The following CPA6 variants were observed in gnomAD, a reference collection of about 807,000 sequenced individuals.
CPA6 encodes the protein carboxypeptidase A6.
A neutral mutation model predicts 63.3 loss-of-function variants in CPA6; 58 were observed. The observed-to-expected ratio is 0.92, with a 90% CI of 0.74 to 1.14. The LOEUF (loss-of-function observed/expected upper bound fraction) is 1.14, where lower values mean the gene tolerates loss of function less well. CPA6 is among the 50% of genes most tolerant of loss of function. CPA6 has a pLI of 0.00. For missense variants in CPA6, 565 were observed against 526.6 expected (o/e 1.07, Z -0.71); for synonymous variants, 185 against 179.0 (o/e 1.03, Z -0.27).
At chr8:67,446,475 TA>T (rs527419602) in intron 8 of CPA6, among the ~76,000 whole-genome samples, 60 of 151,960 alleles carry the variant, frequency 3.9e-4, no homozygotes, top group Middle Eastern at 6.8e-3. Flanking sequence ...CAATTTTAAG[TA>T]AAAAAAATTA....
rs369528450 is a variant in CPA6, at chr8:67,703,925, C to CT, written c.116+42088dup. 1.9e-3 allele frequency among the ~76,000 whole-genome samples: 285 copies of CT among 148,660 alleles called. 2 individuals are homozygous for CT. Among genetic ancestry groups the CT allele is most frequent in the African/African-American group, 5.1e-3 (198 of 39,004 alleles). The stretch of plus-strand genomic sequence containing the variant: ...CTTTAAGGACCCCACTTACATGCTG[C>CT]TTTTTTTTTGTTGTTGTTGTTGTTT... On this transcript the variant is annotated intron_variant, in intron 1 of 10. Coordinates refer to ENST00000297770, the MANE Select transcript of CPA6 (RefSeq NM_020361.5).
In CPA6 at chr8:67,566,783, G is replaced by A. The variant is rs553742039; in HGVS notation, c.193-48736C>T. On this transcript the variant is annotated intron_variant, in intron 2 of 10. Transcript: ENST00000297770. ...AGCAGGAGCTGCTGGAGAAGCACAG[G>A]GAATGTGTAGATTGGTTCCAGTGCA... Among the ~76,000 whole-genome samples, 10 of 152,290 alleles carry A rather than the reference G, an allele frequency of 6.6e-5. No homozygotes were observed. In the East Asian group the frequency reaches 1.9e-3, roughly 29 times the overall value.
intron 8 of CPA6, among the ~76,000 whole-genome samples, chr8:67,459,036 C>T (rs1810740027): frequency 6.6e-6 from 1 of 152,150 alleles, no homozygotes; most frequent in African/African-American, 2.4e-5. Context: ...CAATTATGCT[C>T]CTTGCAATTT....
intron 6 of CPA6, among the ~76,000 whole-genome samples, chr8:67,491,706 T>C (rs1019503239): frequency 6.6e-6 from 1 of 152,136 alleles, no homozygotes; most frequent in Admixed American, 6.5e-5. Context: ...GTAAGGATAT[T>C]TTACCTACCA....
chr8:67,745,777 C>A (rs1173148023), intron 1 of CPA6, among the ~76,000 whole-genome samples: 1 of 152,196 alleles, frequency 6.6e-6, no homozygotes, highest in Non-Finnish European at 1.5e-5. Context: ...CCTGGGTCCA[C>A]AGCTAAGGTT....
intron 1 of CPA6, among the ~76,000 whole-genome samples, chr8:67,736,500 A>C (rs60883435): frequency 6.6e-6 from 1 of 152,140 alleles, no homozygotes; most frequent in East Asian, 1.9e-4. Flanking sequence ...GCAGCACTTG[A>C]TATGATTAAC....
chr8:67,647,349 T>TTTA (rs1815735436), intron 1 of CPA6, among the ~76,000 whole-genome samples: 2 of 150,922 alleles, frequency 1.3e-5, no homozygotes, highest in South Asian at 2.1e-4. Flanking sequence ...TTTTTTTTTT[T>TTTA]AAATTATTGA....
At chr8:67,643,773 A>G (rs186402712) in intron 1 of CPA6, among the ~76,000 whole-genome samples, 51 of 152,308 alleles carry the variant, frequency 3.3e-4, no homozygotes, top group Admixed American at 2.9e-3. Flanking sequence ...TACATATGAA[A>G]TTTCATCAAA....
intron 2 of CPA6, among the ~76,000 whole-genome samples, chr8:67,590,374 G>A (rs1373494801): frequency 6.6e-6 from 1 of 151,518 alleles, no homozygotes; most frequent in South Asian, 2.1e-4. Flanking sequence ...CTTTATAGCA[G>A]CATGATTTAT....
At chr8:67,643,618 G>A (rs1013564249) in intron 1 of CPA6, among the ~76,000 whole-genome samples, 1 of 152,128 alleles carries the variant, frequency 6.6e-6, no homozygotes, top group African/African-American at 2.4e-5. Flanking sequence ...GAGAGGGAAA[G>A]AGAGATGTGA....
At chr8:67,551,863 A>G (rs1322218981) in intron 2 of CPA6, among the ~76,000 whole-genome samples, 4 of 152,150 alleles carry the variant, frequency 2.6e-5, no homozygotes, top group Non-Finnish European at 5.9e-5. Flanking sequence ...CTTTTTATGT[A>G]TGATATGAGG....
intron 1 of CPA6, among the ~76,000 whole-genome samples, chr8:67,679,735 A>G (rs1164871150): frequency 2.6e-5 from 4 of 152,166 alleles, no homozygotes; most frequent in African/African-American, 9.7e-5. Flanking sequence ...ACAGCATGCT[A>G]TTGAGTTCTT....
At chr8:67,509,986 T>A (rs1374528725) in intron 4 of CPA6, among the ~76,000 whole-genome samples, 1 of 152,128 alleles carries the variant, frequency 6.6e-6, no homozygotes, top group Non-Finnish European at 1.5e-5. Flanking sequence ...GGTAAAGAAA[T>A]AAATCAACTT....
At chr8:67,737,878 C>T (rs1321891570) in intron 1 of CPA6, among the ~76,000 whole-genome samples, 2 of 152,176 alleles carry the variant, frequency 1.3e-5, no homozygotes, top group Admixed American at 1.3e-4. Flanking sequence ...GGGTTTTAGT[C>T]TTAACTCTAG....
In CPA6 at chr8:67,444,340, T is replaced by A. The variant is rs534041656; in HGVS notation, c.839-10100A>T. On this transcript the variant is annotated intron_variant, in intron 8 of 10. Coordinates refer to ENST00000297770, the MANE Select transcript of CPA6 (RefSeq NM_020361.5). ...GAATAGATGAGAAGGGATGTGGACATATAGGGAGAAAAGGAAGATGTCTAT... is the reference window on the plus strand; with the variant it reads ...GAATAGATGAGAAGGGATGTGGACAAATAGGGAGAAAAGGAAGATGTCTAT... Among the ~76,000 whole-genome samples the A allele has an allele frequency of 1.8e-4, 27 of 152,126 alleles. 1 individual carries two copies. The highest frequency in any genetic ancestry group is 3.4e-3 in the Middle Eastern group (1 of 294).
At chr8:67,425,275 A>G (rs1055358584) in intron 10 of CPA6, among the ~76,000 whole-genome samples, 24 of 152,118 alleles carry the variant, frequency 1.6e-4, no homozygotes, top group African/African-American at 5.1e-4. Flanking sequence ...TAATCCTATT[A>G]TTATTATTAT....
At chr8:67,652,936 C>A (rs2128991656) in intron 1 of CPA6, among the ~76,000 whole-genome samples, 1 of 151,268 alleles carries the variant, frequency 6.6e-6, no homozygotes, top group African/African-American at 2.4e-5. Context: ...AGGAAGGGAT[C>A]CAGTTTCAGC....
chr8:67,692,675 A>T (rs985348440), intron 1 of CPA6, among the ~76,000 whole-genome samples: 7 of 152,232 alleles, frequency 4.6e-5, no homozygotes, highest in African/African-American at 1.7e-4. Flanking sequence ...AATCACACAG[A>T]AGTGCTGCCC....
chr8:67,511,469 A>G, intron 4 of CPA6, 72 bp downstream of exon 4: 1 of 841,446 alleles, frequency 1.2e-6, no homozygotes, highest in Non-Finnish European at 2.0e-6. Context: ...AAAACACATA[A>G]TTTTCTCCCT....
Sources: gnomAD v4.1 joint callset for allele counts (sites outside exome capture counted in the v4.1 genomes callset) on GRCh38, gnomAD v4.1.1 for gene constraint, MANE v1.5 for transcripts, NCBI Gene and HGNC (gene_info 2026-07-23, HGNC 2026-07-21) for gene names.